The following GRIA2 variants were observed in gnomAD, a reference collection of about 807,000 sequenced individuals.
GRIA2 encodes glutamate ionotropic receptor AMPA type subunit 2, also known as glutamate receptor 2.
GRIA2 carries 14 observed loss-of-function variants against 97.3 expected under a neutral mutation model. The ratio of observed to expected loss-of-function variants is 0.14; its 90% CI spans 0.10 to 0.23. The LOEUF (loss-of-function observed/expected upper bound fraction) is 0.23, where lower values mean the gene tolerates loss of function less well. Among genes scored for constraint, GRIA2 ranks in the 10% least tolerant of loss-of-function variants. GRIA2 has a pLI of 1.00. For synonymous variants in GRIA2, 412 were observed against 387.8 expected, an observed-to-expected ratio of 1.06 and a Z score of -0.73; for missense variants, 558 against 1,069.8, an observed-to-expected ratio of 0.52 and a Z score of 6.67.
At chr4:157,333,081 TA>T in intron 7 of GRIA2, 95 bp downstream of exon 7, 1 of 1,047,830 alleles carries the variant, frequency 9.5e-7, no homozygotes, top group Non-Finnish European at 1.4e-6. Context: ...TCCTTGTGTC[TA>T]ATATACAGGC....
intron 6 of GRIA2, among the ~76,000 whole-genome samples, chr4:157,330,187 A>T (rs1367019495): frequency 6.6e-6 from 1 of 151,954 alleles, no homozygotes; most frequent in African/African-American, 2.4e-5. Flanking sequence ...AACCTTAGAC[A>T]ATAATACTTT....
intron 2 of GRIA2, 145 bp downstream of exon 2, chr4:157,221,952 G>GC: frequency 2.8e-6 from 2 of 721,210 alleles, no homozygotes; most frequent in Non-Finnish European, 4.7e-6. Flanking sequence ...GCGTGCGTGT[G>GC]ACCGTGTAGA....
intron 2 of GRIA2, among the ~76,000 whole-genome samples, chr4:157,281,250 G>C (rs10517665): frequency 0.2 from 29,851 of 151,922 alleles, 3,350 homozygotes; most frequent in African/African-American, 0.31. Flanking sequence ...TTCATTAATT[G>C]GTATTACTAA....
chr4:157,242,562 C>A (rs1463800331), intron 2 of GRIA2, among the ~76,000 whole-genome samples: 1 of 151,778 alleles, frequency 6.6e-6, no homozygotes, highest in Non-Finnish European at 1.5e-5. Context: ...TCTCATATAA[C>A]CATTCAGAAA....
chr4:157,308,798 G>A (rs1261156669), intron 3 of GRIA2, among the ~76,000 whole-genome samples: 1 of 152,162 alleles, frequency 6.6e-6, no homozygotes, highest in Admixed American at 6.6e-5. Flanking sequence ...ACTTTCTCCT[G>A]TAATTGAATA....
chr4:157,361,798 G>C lies in GRIA2; in HGVS notation c.2406+674G>C. ...GATGCATAATTTGGTAAGATGTTTT[G>C]GTAATGCCTGCAGAGTTACTGATTT... On this transcript the variant is annotated intron_variant, in intron 14 of 15. Transcript: ENST00000264426. This position sits in a 1 kb window ranked among gnomAD's most constrained non-coding sequence, Gnocchi z 5.2. The C allele has an allele frequency of 1.7e-6, 1 of 605,798 alleles. No homozygotes were observed. Among genetic ancestry groups the C allele is most frequent in the South Asian group, 2.1e-5 (1 of 46,968 alleles). 37.5% of individuals were successfully genotyped at this position (605,798 alleles called of 1,614,324 possible). A position where few individuals can be genotyped will look rare whatever the true frequency, so the allele number is the denominator to read the frequency against.
intron 2 of GRIA2, among the ~76,000 whole-genome samples, chr4:157,224,101 A>T (rs1443248644): frequency 6.6e-6 from 1 of 152,162 alleles, no homozygotes; most frequent in Non-Finnish European, 1.5e-5. Flanking sequence ...ACACAATTTA[A>T]TTTGTCCATA....
chr4:157,341,023 CAATTATGAAAGT>C (rs1735524955), intron 11 of GRIA2, among the ~76,000 whole-genome samples: 2 of 152,028 alleles, frequency 1.3e-5, no homozygotes, highest in Admixed American at 1.3e-4. Flanking sequence ...TTGGGCATTA[CAATTATGAAAGT>C]ATTCCAGAAA....
chr4:157,258,880 T>C (rs1334240629), intron 2 of GRIA2, among the ~76,000 whole-genome samples: 2 of 151,916 alleles, frequency 1.3e-5, no homozygotes, highest in Non-Finnish European at 2.9e-5. Context: ...TAAGTTCCAA[T>C]GGTTATAAGG....
chr4:157,324,571 T>C (rs1483067292), intron 6 of GRIA2, among the ~76,000 whole-genome samples: 2 of 152,052 alleles, frequency 1.3e-5, no homozygotes, highest in African/African-American at 4.8e-5. Context: ...GTGTGAGAAG[T>C]TGCTTGGGGA....
At chr4:157,233,974 C>A (rs894737510) in intron 2 of GRIA2, among the ~76,000 whole-genome samples, 1 of 152,072 alleles carries the variant, frequency 6.6e-6, no homozygotes, top group Non-Finnish European at 1.5e-5. Context: ...TGGCTACTTC[C>A]TAAACCAGAG....
chr4:157,238,688 T>C (rs1334950846), intron 2 of GRIA2, among the ~76,000 whole-genome samples: 1 of 152,122 alleles, frequency 6.6e-6, no homozygotes, highest in Non-Finnish European at 1.5e-5. Flanking sequence ...CTTTTGCATA[T>C]GTATTTTTCA....
intron 2 of GRIA2, among the ~76,000 whole-genome samples, chr4:157,278,922 T>C (rs2126809552): frequency 6.6e-6 from 1 of 152,202 alleles, no homozygotes; most frequent in Non-Finnish European, 1.5e-5. Context: ...TACATGCTTA[T>C]TAGGATGTCT....
chr4:157,230,533 TC>T (rs1213584668), intron 2 of GRIA2, among the ~76,000 whole-genome samples: 3 of 147,786 alleles, frequency 2.0e-5, no homozygotes, highest in African/African-American at 7.6e-5. Flanking sequence ...CTTTCTTCCT[TC>T]CTTCTTTCCT....
chr4:157,277,332 A>G (rs1732368600), intron 2 of GRIA2, among the ~76,000 whole-genome samples: 3 of 151,946 alleles, frequency 2.0e-5, no homozygotes. Flanking sequence ...AAAATTCAGC[A>G]TTCATTCATG....
At chr4:157,223,588 C>G (rs902731583) in intron 2 of GRIA2, among the ~76,000 whole-genome samples, 1 of 152,174 alleles carries the variant, frequency 6.6e-6, no homozygotes, top group African/African-American at 2.4e-5. Context: ...TCCAATTTTT[C>G]CTGAATTACA....
chr4:157,246,323 A>G (rs1044459648), intron 2 of GRIA2, among the ~76,000 whole-genome samples: 18 of 152,096 alleles, frequency 1.2e-4, no homozygotes, highest in Non-Finnish European at 2.1e-4. Flanking sequence ...TATTGTCTCT[A>G]TGAAAACATT....
Position 157,220,824 on chromosome 4 carries a change from A to G in GRIA2, c.-219A>G, listed in dbSNP as rs1018796918. 5.3e-6 allele frequency: 3 copies of G among 569,978 alleles called. No homozygotes were observed. Among genetic ancestry groups the G allele is most frequent in the South Asian group, 2.1e-5 (1 of 47,580 alleles). 35.3% of individuals were successfully genotyped at this position (569,978 alleles called of 1,614,324 possible). A position where few individuals can be genotyped will look rare whatever the true frequency, so the allele number is the denominator to read the frequency against. On this transcript the variant is annotated 5_prime_UTR_variant, in exon 1 of 16. Transcript: ENST00000264426. ...AAACTGCATTCAGCCAGTCCTCCGGACTTCTGGAGCGGGGACAGGGCGCAG... is the reference window on the plus strand; with the variant it reads ...AAACTGCATTCAGCCAGTCCTCCGGGCTTCTGGAGCGGGGACAGGGCGCAG...
intron 2 of GRIA2, among the ~76,000 whole-genome samples, chr4:157,241,857 A>C (rs963902786): frequency 2.6e-5 from 4 of 152,112 alleles, no homozygotes; most frequent in Non-Finnish European, 4.4e-5. Context: ...TGAAAACGAT[A>C]CAAAAAGTAA....
Sources: gnomAD v4.1 joint callset for allele counts (sites outside exome capture counted in the v4.1 genomes callset) on GRCh38, gnomAD v4.1.1 for gene constraint, Gnocchi (gnomAD v3.1) non-coding constraint, MANE v1.5 for transcripts, NCBI Gene and HGNC (gene_info 2026-07-23, HGNC 2026-07-21) for gene names.